NOTCH4: variants seen among roughly 807,000 people sequenced by gnomAD.
NOTCH4 encodes notch receptor 4.
Under a neutral mutation model 189.0 loss-of-function variants are expected in NOTCH4, and 138 were observed. The observed-to-expected ratio is 0.73, with a 90% confidence interval of 0.64 to 0.84. The LOEUF (loss-of-function observed/expected upper bound fraction) is 0.84, where lower values mean the gene tolerates loss of function less well. Among genes scored for constraint, NOTCH4 ranks in the 40% least tolerant of loss-of-function variants. NOTCH4 has a pLI of 0.00. For synonymous variants in NOTCH4, 942 were observed against 1,032.8 expected (o/e 0.91, Z 1.69); for missense variants, 2,286 against 2,605.4 (o/e 0.88, Z 2.67).
Position 32,210,530 on chromosome 6 carries a change from G to A in NOTCH4, c.2865+222C>T, listed in dbSNP as rs1788945078. Among the ~76,000 whole-genome samples, 1 of 152,196 alleles carries A rather than the reference G, an allele frequency of 6.6e-6. No individual in the cohort carries two copies. The highest frequency in any genetic ancestry group is 6.5e-5 in the Admixed American group (1 of 15,290). Reference sequence around the variant, plus strand: ...AAGTATCTATCTGGAACGCAACAAAGGTCAGGACTCAGGCAGTGGGACAAA... The same window carrying A: ...AAGTATCTATCTGGAACGCAACAAAAGTCAGGACTCAGGCAGTGGGACAAA... On this transcript the variant is annotated intron_variant, in intron 18 of 29. Coordinates refer to ENST00000375023, the MANE Select transcript of NOTCH4 (RefSeq NM_004557.4). The surrounding 1 kb of genome is among the most constrained non-coding windows in gnomAD (Gnocchi z 4.8).
intron 18 of NOTCH4, among the ~76,000 whole-genome samples, chr6:32,207,631 C>T (rs1243910388): frequency 2.4e-5 from 1 of 42,146 alleles, no homozygotes; most frequent in South Asian, 1.3e-3. Flanking sequence ...GACTCTATCC[C>T]CCCCCCCCAA....
rs1311098727 is a variant in NOTCH4 at position 32,202,302 on chromosome 6, C to T, written c.3529G>A (p.Gly1177Arg). The part of the protein sequence containing the change: ...GPRCQKPGAK[G>R]CEGRSGDGAC... ...CCATCTCCACTTCTGCCCTCACACC[C>T]CTTGGCTCCGGGTTTCTGACACCGG... The change falls in exon 21 of 30, where the codon GGG becomes AGG. Residue 1177 changes from glycine to arginine, a missense_variant. Gly to Arg is a moderately radical substitution (Grantham distance 125). Transcript: ENST00000375023. The surrounding 1 kb of genome is among the most constrained non-coding windows in gnomAD (Gnocchi z 5.7). The T allele has an allele frequency of 3.7e-6, 6 of 1,611,758 alleles. No homozygotes were observed. Among genetic ancestry groups the T allele is most frequent in the Non-Finnish European group, 5.1e-6 (6 of 1,179,138 alleles).
At position 32,200,778 on chromosome 6, in the gene NOTCH4, A is replaced by G. The variant is rs1479577380; in HGVS notation, c.4315+53T>C. 3 of 1,454,410 alleles carry G rather than the reference A, an allele frequency of 2.1e-6. No homozygotes were observed. The highest frequency in any genetic ancestry group is 1.4e-5 in the African/African-American group (1 of 70,188). 90.1% of individuals were successfully genotyped at this position (1,454,410 alleles called of 1,614,324 possible). ...TCAGCCTCCATTGCCTGTTGCTAGC[A>G]TGAGAGCTGGCCTGGGAACAGAGGT... On this transcript the variant is annotated intron_variant, in intron 23 of 29. Coordinates refer to ENST00000375023, the MANE Select transcript of NOTCH4 (RefSeq NM_004557.4). The surrounding 1 kb of genome is among the most constrained non-coding windows in gnomAD (Gnocchi z 5.0).
rs569100153 is a variant in NOTCH4, at chr6:32,212,269, G to T, written c.2680+205C>A. Among the ~76,000 whole-genome samples, 1 of 152,110 alleles carries T rather than the reference G, an allele frequency of 6.6e-6. No individual in the cohort carries two copies. Among genetic ancestry groups the T allele is most frequent in the African/African-American group, 2.4e-5 (1 of 41,396 alleles). On this transcript the variant is annotated intron_variant, in intron 17 of 29. Coordinates refer to ENST00000375023, the MANE Select transcript of NOTCH4 (RefSeq NM_004557.4). This position sits in a 1 kb window ranked among gnomAD's most constrained non-coding sequence, Gnocchi z 4.4. ...GGCTGGTTGGTGTTGCTTGAATTGC[G>T]TTAAATGAGGTAACAGGAATTGTGT... is the stretch of plus-strand genomic sequence containing the variant.
At chr6:32,211,294 G>A (rs1032324807) in intron 17 of NOTCH4, among the ~76,000 whole-genome samples, 48 of 134,522 alleles carry the variant, frequency 3.6e-4, no homozygotes, top group African/African-American at 1.3e-3. Context: ...AAACAGAAAC[G>A]GTAAATGGGG....
chr6:32,204,910 T>G (rs1001455374), intron 18 of NOTCH4, among the ~76,000 whole-genome samples: 8 of 152,230 alleles, frequency 5.3e-5, no homozygotes, highest in Non-Finnish European at 1.2e-4. Context: ...CATTCGATTT[T>G]TACTTTGCAC....
chr6:32,217,583 A>G lies in NOTCH4; in HGVS notation c.1625-317T>C, dbSNP rs186324081. On this transcript the variant is annotated intron_variant, in intron 9 of 29. Transcript: ENST00000375023. The surrounding 1 kb of genome is among the most constrained non-coding windows in gnomAD (Gnocchi z 4.2). Reference sequence around the variant, plus strand: ...CATAACGCCTGAAAAGTACTCAGCCAAATGGCTAGCCTGGAGTAAGTGGTG... The same window carrying G: ...CATAACGCCTGAAAAGTACTCAGCCGAATGGCTAGCCTGGAGTAAGTGGTG... 9.8e-5 allele frequency among the ~76,000 whole-genome samples: 15 copies of G among 152,360 alleles called. 1 individual carries two copies. The East Asian group carries it at 2.9e-3, about 29-fold the overall frequency.
At position 32,212,844 on chromosome 6, in the gene NOTCH4, A is replaced by G; in HGVS notation, c.2506T>C (p.Tyr836His). 1 of 1,548,904 alleles carries G rather than the reference A, an allele frequency of 6.5e-7. No individual in the cohort carries two copies. The highest frequency in any genetic ancestry group is 8.7e-7 in the Non-Finnish European group (1 of 1,145,746). ...QGPRCLCPTGYTGGSCQTLMD... is the reference protein window; with the variant it reads ...QGPRCLCPTGHTGGSCQTLMD... ...CTCACCTGGCAGCTGCCTCCGGTGT[A>G]GCCAGTGGGGCAGAGGCAGCGGGGA... The change falls in exon 16 of 30, where the codon TAC (tyrosine) becomes CAC (histidine). Residue 836 changes from tyrosine to histidine, a missense_variant. This residue lies in a region of NOTCH4 where 1,903 missense variants were observed against 2,261.9 expected (regional missense o/e 0.84). Transcript: ENST00000375023. The surrounding 1 kb of genome is among the most constrained non-coding windows in gnomAD (Gnocchi z 4.4).
intron 17 of NOTCH4, among the ~76,000 whole-genome samples, chr6:32,211,541 C>T (rs949586754): frequency 1.3e-4 from 19 of 151,756 alleles, no homozygotes; most frequent in South Asian, 4.2e-4. Flanking sequence ...TGCAGTGAGC[C>T]GAGATCGTGC....
At chr6:32,219,941 C>A (rs143166548) in intron 7 of NOTCH4, among the ~76,000 whole-genome samples, 155 bp from the exon 8 acceptor site, 74 of 152,232 alleles carry the variant, frequency 4.9e-4, no homozygotes, top group South Asian at 3.3e-3. Flanking sequence ...AATAAGGGAC[C>A]AAACTCATGG....
Position 32,223,991 on chromosome 6 carries a change from T to G in NOTCH4, c.-63A>C. 1 of 1,506,390 alleles carries G rather than the reference T, an allele frequency of 6.6e-7. No homozygotes were observed. Among genetic ancestry groups the G allele is most frequent in the Non-Finnish European group, 8.9e-7 (1 of 1,128,682 alleles). 93.3% of individuals were successfully genotyped at this position (1,506,390 alleles called of 1,614,324 possible). A position where few individuals can be genotyped will look rare whatever the true frequency, so the allele number is the denominator to read the frequency against. ...CTTCAGGCAGGGACCCTCAGAGCTCTCACTGGGGCAGGAGCCACCTCCTCT... is the reference window on the plus strand; with the variant it reads ...CTTCAGGCAGGGACCCTCAGAGCTCGCACTGGGGCAGGAGCCACCTCCTCT... On this transcript the variant is annotated 5_prime_UTR_variant, in exon 1 of 30. Coordinates refer to ENST00000375023, the MANE Select transcript of NOTCH4 (RefSeq NM_004557.4).
At position 32,195,134 on chromosome 6, in the gene NOTCH4, A is replaced by G. The variant is rs959827872; in HGVS notation, c.*303T>C. ...TATAGGAAAGAACATCTTACATCCC[A>G]TATGCCTGCAATTCTTGGTTCCAAC... is the stretch of plus-strand genomic sequence containing the variant. On this transcript the variant is annotated 3_prime_UTR_variant, in exon 30 of 30. Coordinates refer to ENST00000375023, the MANE Select transcript of NOTCH4 (RefSeq NM_004557.4). This position sits in a 1 kb window ranked among gnomAD's most constrained non-coding sequence, Gnocchi z 5.4. 4.6e-6 allele frequency: 2 copies of G among 436,108 alleles called. No individual in the cohort carries two copies. The highest frequency in any genetic ancestry group is 8.1e-6 in the Non-Finnish European group (2 of 245,574). 27.0% of individuals were successfully genotyped at this position (436,108 alleles called of 1,614,324 possible).
rs1482536902 is a variant in NOTCH4 at position 32,220,242 on chromosome 6, C to T, written c.1202G>A (p.Cys401Tyr). The T allele has an allele frequency of 6.2e-7, 1 of 1,613,776 alleles. No individual in the cohort carries two copies. Among genetic ancestry groups the T allele is most frequent in the East Asian group, 2.2e-5 (1 of 44,854 alleles). Residue 401 changes from cysteine to tyrosine, a missense_variant, in exon 7 of 30, where the codon TGC (cysteine) becomes TAC (tyrosine). This residue lies in a region of NOTCH4 where 1,903 missense variants were observed against 2,261.9 expected (regional missense o/e 0.84). Transcript: ENST00000375023. ...HLEDMCLSQP[C>Y]HGDAQCSTNP... ...GGTGCTGCATTGGGCATCCCCATGG[C>T]ACGGCTGGCTCAGACACATGTCTTC...
At chr6:32,196,517 G>C in intron 28 of NOTCH4, 96 bp from the exon 29 acceptor site, 1 of 1,463,282 alleles carries the variant, frequency 6.8e-7, no homozygotes, top group Non-Finnish European at 9.2e-7. Flanking sequence ...AGGGCTATTC[G>C]GGCCGGCTGG....
At position 32,222,666 on chromosome 6, in the gene NOTCH4, G is replaced by T. The variant is rs756218632; in HGVS notation, c.296C>A (p.Pro99His). 6.2e-7 allele frequency: 1 copy of T among 1,604,756 alleles called. No homozygotes were observed. Among genetic ancestry groups the T allele is most frequent in the Non-Finnish European group, 8.5e-7 (1 of 1,177,404 alleles). ...AGGGAGGCAAGTGCACAAGAAGCTG[G>T]GTGTCAATGGAGAGGGAGAGCTGGG... ...GLPSSPSPLT[P>H]SFLCTCLPGF... The change falls in exon 3 of 30, where the codon CCC (proline) becomes CAC (histidine). Residue 99 changes from proline (P) to histidine (H), a missense_variant. Pro to His is a moderately conservative substitution (Grantham distance 77). Coordinates refer to ENST00000375023, the MANE Select transcript of NOTCH4 (RefSeq NM_004557.4).
chr6:32,216,955 A>G lies in NOTCH4; in HGVS notation c.1851T>C (p.Ser617=). The G allele has an allele frequency of 6.2e-7, 1 of 1,613,134 alleles. No homozygotes were observed. Reference sequence around the variant, plus strand: ...GCCTCCCCTGTGAACCTGTGAAACCAGAGGGGCAGAGGCAAAAGAAGGCTC... The same window carrying G: ...GCCTCCCCTGTGAACCTGTGAAACCGGAGGGGCAGAGGCAAAAGAAGGCTC... ...LPGAFFCLCP[S]GFTGQLCEVP... is the part of the protein sequence containing the mutation. The change falls in exon 11 of 30, where the codon TCT becomes TCC. Residue 617 remains serine (S), a synonymous_variant. Coordinates refer to ENST00000375023, the MANE Select transcript of NOTCH4 (RefSeq NM_004557.4).
rs2127467516 is a variant in NOTCH4, at chr6:32,202,471, A to G, written c.3360T>C (p.Tyr1120=). The G allele has an allele frequency of 4.3e-6, 7 of 1,612,554 alleles. No homozygotes were observed. Among genetic ancestry groups the G allele is most frequent in the Non-Finnish European group, 5.9e-6 (7 of 1,179,780 alleles). Residue 1120 remains tyrosine, a synonymous_variant, in exon 21 of 30, where the codon TAT becomes TAC. Coordinates refer to ENST00000375023, the MANE Select transcript of NOTCH4 (RefSeq NM_004557.4). This position sits in a 1 kb window ranked among gnomAD's most constrained non-coding sequence, Gnocchi z 5.7. ...FPPRCACLSG[Y]GGPDCLTPPA... ...GTGGGGTCAGGCAGTCAGGACCCCCATAGCCACTGAGGCAGGCACAGCGTG... is the reference window on the plus strand; with the variant it reads ...GTGGGGTCAGGCAGTCAGGACCCCCGTAGCCACTGAGGCAGGCACAGCGTG...
Position 32,212,370 on chromosome 6 carries a change from T to C in NOTCH4, c.2680+104A>G. 1 of 1,077,512 alleles carries C rather than the reference T, an allele frequency of 9.3e-7. No individual in the cohort carries two copies. The highest frequency in any genetic ancestry group is 1.4e-6 in the Non-Finnish European group (1 of 740,452). The allele number at this position is 1,077,512 out of a possible 1,614,324, so 66.7% of individuals were successfully genotyped here. ...TGTCTGTGTGGTTTTGATTCTCAGATGGTTGTTTTGGCCAAAAGCTGTGTG... is the reference window on the plus strand; with the variant it reads ...TGTCTGTGTGGTTTTGATTCTCAGACGGTTGTTTTGGCCAAAAGCTGTGTG... On this transcript the variant is annotated intron_variant, in intron 17 of 29. Coordinates refer to ENST00000375023, the MANE Select transcript of NOTCH4 (RefSeq NM_004557.4). This position sits in a 1 kb window ranked among gnomAD's most constrained non-coding sequence, Gnocchi z 4.4.
In NOTCH4 at chr6:32,220,531, T is replaced by TCA. The variant is rs1206951007; in HGVS notation, c.1031_1032dup (p.Ser345Ter). 1.2e-6 allele frequency: 2 copies of TCA among 1,613,668 alleles called. No homozygotes were observed. Among genetic ancestry groups the TCA allele is most frequent in the Non-Finnish European group, 8.5e-7 (1 of 1,179,968 alleles). ...TCACAGCTTGTGCCGCCCCAGCCAC[T>TCA]CACACACACGCAGTGAAAGCTACCA... On this transcript the variant is annotated frameshift_variant, in exon 6 of 30. Transcript: ENST00000375023. LOFTEE classifies it high-confidence loss of function.
Sources: allele counts gnomAD v4.1 joint callset (sites outside exome capture counted in the v4.1 genomes callset), GRCh38; gene constraint gnomAD v4.1.1; regional missense constraint gnomAD v4.1.1; non-coding constraint Gnocchi (gnomAD v3.1); transcripts MANE v1.5; gene names NCBI Gene and HGNC (gene_info 2026-07-23, HGNC 2026-07-21).